Variants in ZNF521 observed in about 807,000 individuals in gnomAD.
ZNF521 encodes LYST-interacting protein 3.
A neutral mutation model predicts 105.5 loss-of-function variants in ZNF521; 14 were observed. That is an observed-to-expected ratio of 0.13 (90% CI 0.09 to 0.21). The LOEUF (loss-of-function observed/expected upper bound fraction) is 0.21. Among genes scored for constraint, ZNF521 ranks in the 10% least tolerant of loss-of-function variants. The pLI, the probability that ZNF521 is intolerant of heterozygous loss-of-function variation, is 1.00. For synonymous variants in ZNF521, 635 were observed against 606.0 expected (o/e 1.05, Z -0.70); for missense variants, 1,233 against 1,629.7 (o/e 0.76, Z 4.19).
intron 4 of ZNF521, among the ~76,000 whole-genome samples, chr18:25,222,041 A>G (rs1236810799): frequency 1.3e-5 from 2 of 152,118 alleles, no homozygotes; most frequent in Non-Finnish European, 2.9e-5. Context: ...AAATTAGTGA[A>G]CTTTTGAGGC....
chr18:25,226,154 A>T lies in ZNF521; in HGVS notation c.1764T>A (p.Ile588=). ...TGTGGATATAATTCAGGGCCAAGGGAATGTTTTTATGATTCTCTTTGATAT... is the reference window on the plus strand; with the variant it reads ...TGTGGATATAATTCAGGGCCAAGGGTATGTTTTTATGATTCTCTTTGATAT... ...NKHIKENHKN[I]PLALNYIHNG... The change falls in exon 4 of 8, where the codon ATT becomes ATA. Residue 588 remains isoleucine, a synonymous_variant. Coordinates refer to ENST00000361524, the MANE Select transcript of ZNF521 (RefSeq NM_015461.3). The surrounding 1 kb of genome is among the most constrained non-coding windows in gnomAD (Gnocchi z 4.1). The T allele has an allele frequency of 1.2e-6, 2 of 1,614,164 alleles. No individual in the cohort carries two copies. Among genetic ancestry groups the T allele is most frequent in the Non-Finnish European group, 1.7e-6 (2 of 1,180,026 alleles).
intron 5 of ZNF521, among the ~76,000 whole-genome samples, chr18:25,185,385 G>A (rs560657246): frequency 6.6e-6 from 1 of 152,242 alleles, no homozygotes; most frequent in South Asian, 2.1e-4. Context: ...TGATTGGTAT[G>A]TGCATAAGAG....
At chr18:25,138,180 A>C (rs1157903247) in intron 5 of ZNF521, among the ~76,000 whole-genome samples, 1 of 152,138 alleles carries the variant, frequency 6.6e-6, no homozygotes, top group Admixed American at 6.6e-5. Context: ...GATACCTCCC[A>C]GGGATTCAAC....
intron 5 of ZNF521, among the ~76,000 whole-genome samples, chr18:25,126,912 C>G (rs554624886): frequency 1.3e-5 from 2 of 152,252 alleles, no homozygotes; most frequent in East Asian, 3.9e-4. Flanking sequence ...GATAAGCCAT[C>G]TGACCTCTCC....
chr18:25,310,684 T>A (rs1450615735), intron 3 of ZNF521, among the ~76,000 whole-genome samples: 2 of 152,130 alleles, frequency 1.3e-5, no homozygotes, highest in Non-Finnish European at 2.9e-5. Flanking sequence ...GGGTTCTTAC[T>A]CACCCTTCAG....
chr18:25,089,442 A>T (rs2033698105), intron 7 of ZNF521, 23 bp downstream of exon 7: 1 of 1,540,904 alleles, frequency 6.5e-7, no homozygotes, highest in African/African-American at 1.4e-5. Context: ...GTTCAATCCC[A>T]GTCCTCCCCA....
chr18:25,324,525 C>G (rs1913104226), intron 2 of ZNF521, among the ~76,000 whole-genome samples: 1 of 152,136 alleles, frequency 6.6e-6, no homozygotes, highest in African/African-American at 2.4e-5. Flanking sequence ...AAATTGACCC[C>G]CACACCATTA....
At chr18:25,205,220 C>A (rs1429831636) in intron 4 of ZNF521, among the ~76,000 whole-genome samples, 1 of 145,866 alleles carries the variant, frequency 6.9e-6, no homozygotes, top group Non-Finnish European at 1.5e-5. Context: ...AGGAATTTGT[C>A]TCTTGCTACT....
intron 3 of ZNF521, among the ~76,000 whole-genome samples, chr18:25,271,770 A>G (rs1909677470): frequency 6.6e-6 from 1 of 151,738 alleles, no homozygotes; most frequent in African/African-American, 2.4e-5. Context: ...AATTAACTCA[A>G]GATAAAGACT....
intron 3 of ZNF521, among the ~76,000 whole-genome samples, chr18:25,266,234 T>C (rs1482043045): frequency 1.3e-5 from 2 of 152,214 alleles, no homozygotes; most frequent in African/African-American, 4.8e-5. Flanking sequence ...CTTGAGGGGA[T>C]GGATGCCCCA....
chr18:25,063,749 A>G (rs567127141), intron 7 of ZNF521, among the ~76,000 whole-genome samples: 1 of 152,066 alleles, frequency 6.6e-6, no homozygotes, highest in African/African-American at 2.4e-5. Context: ...AAGCCTGGAG[A>G]TGGCCTGATC....
chr18:25,334,075 C>T (rs993126869), intron 2 of ZNF521, among the ~76,000 whole-genome samples: 2 of 152,190 alleles, frequency 1.3e-5, no homozygotes, highest in Non-Finnish European at 2.9e-5. Flanking sequence ...TCCAGCACCC[C>T]CTTGCCACCA....
At chr18:25,127,565 C>A (rs1033587433) in intron 5 of ZNF521, among the ~76,000 whole-genome samples, 1 of 151,558 alleles carries the variant, frequency 6.6e-6, no homozygotes, top group South Asian at 2.1e-4. Context: ...TAGAAAAAGA[C>A]CTAAAAAAAG....
At position 25,065,672 on chromosome 18, in the gene ZNF521, A is replaced by C. The variant is rs551158857; in HGVS notation, c.3907-2931T>G. Reference sequence around the variant, plus strand: ...AACAGTTTAATTACATTATTTTCAAATGTTTAAGTGCTTATGATGGACACT... The same window carrying C: ...AACAGTTTAATTACATTATTTTCAACTGTTTAAGTGCTTATGATGGACACT... On this transcript the variant is annotated intron_variant, in intron 7 of 7. Coordinates refer to ENST00000361524, the MANE Select transcript of ZNF521 (RefSeq NM_015461.3). 2.0e-5 allele frequency among the ~76,000 whole-genome samples: 3 copies of C among 152,264 alleles called. No individual in the cohort carries two copies. The South Asian group carries it at 6.2e-4, about 32-fold the overall frequency.
intron 4 of ZNF521, among the ~76,000 whole-genome samples, chr18:25,207,827 G>A (rs959399936): frequency 1.3e-5 from 2 of 152,106 alleles, no homozygotes; most frequent in Admixed American, 1.3e-4. Context: ...AAAAAGTTCT[G>A]CATAATCATT....
chr18:25,132,430 C>T (rs946109895), intron 5 of ZNF521, among the ~76,000 whole-genome samples: 1 of 152,130 alleles, frequency 6.6e-6, no homozygotes, highest in African/African-American at 2.4e-5. Context: ...CCATTTCAGA[C>T]TGCTAGTAAA....
At chr18:25,187,939 C>T (rs1363792852) in intron 5 of ZNF521, among the ~76,000 whole-genome samples, 14 of 152,090 alleles carry the variant, frequency 9.2e-5, no homozygotes, top group Admixed American at 2.6e-4. Context: ...GGCAACAAAA[C>T]GAGGCATTTT....
intron 3 of ZNF521, among the ~76,000 whole-genome samples, chr18:25,248,142 C>CCACA (rs144490756): frequency 2.6e-5 from 4 of 151,232 alleles, no homozygotes; most frequent in Non-Finnish European, 5.9e-5. Context: ...TATCTTGACA[C>CCACA]CACACACACA....
At chr18:25,113,153 G>A (rs2034229445) in intron 5 of ZNF521, among the ~76,000 whole-genome samples, 1 of 152,002 alleles carries the variant, frequency 6.6e-6, no homozygotes, top group African/African-American at 2.4e-5. Context: ...GAAGTCAAAT[G>A]CCTTCATCTG....
Sources: gnomAD v4.1 joint callset for allele counts (sites outside exome capture counted in the v4.1 genomes callset) on GRCh38, gnomAD v4.1.1 for gene constraint, Gnocchi (gnomAD v3.1) non-coding constraint, MANE v1.5 for transcripts, NCBI Gene and HGNC (gene_info 2026-07-23, HGNC 2026-07-21) for gene names.